The following ELMO1 variants were observed in gnomAD, a reference collection of about 807,000 sequenced individuals.
The protein encoded by ELMO1 is engulfment and cell motility 1.
A neutral mutation model predicts 98.9 loss-of-function variants in ELMO1; 26 were observed. The ratio of observed to expected loss-of-function variants is 0.26; its 90% CI spans 0.19 to 0.36. The LOEUF (loss-of-function observed/expected upper bound fraction) is 0.36, where lower values mean the gene tolerates loss of function less well. Among genes scored for constraint, ELMO1 ranks in the 10% least tolerant of loss-of-function variants. The pLI, the probability that ELMO1 is intolerant of heterozygous loss-of-function variation, is 1.00. For missense variants in ELMO1, 627 were observed against 935.2 expected (o/e 0.67, Z 4.30); for synonymous variants, 346 against 346.0 (o/e 1.00, Z 0.00).
intron 1 of ELMO1, among the ~76,000 whole-genome samples, chr7:37,373,658 T>G (rs2131363841): frequency 6.6e-6 from 1 of 152,362 alleles, no homozygotes; most frequent in Non-Finnish European, 1.5e-5. Context: ...TATTTTAATT[T>G]TTTAATTTTA....
intron 5 of ELMO1, chr7:37,270,936 CTTTT>C (rs895613984): frequency 1.3e-5 from 2 of 150,734 alleles, no homozygotes; most frequent in African/African-American, 4.9e-5. Context: ...CTGACTTTTT[CTTTT>C]TTTTCTTTTT....
intron 1 of ELMO1, among the ~76,000 whole-genome samples, chr7:37,446,076 A>G (rs1200585675): frequency 6.6e-6 from 1 of 152,230 alleles, no homozygotes; most frequent in Non-Finnish European, 1.5e-5. Flanking sequence ...CATGGGGGAA[A>G]GGACAGCGAA....
Position 37,438,431 on chromosome 7 carries a change from C to CAA in ELMO1, c.-74+10242_-74+10243dup, listed in dbSNP as rs543852959. The stretch of plus-strand genomic sequence containing the variant: ...TGAAATCCTGTCTCTACTAAAAATA[C>CAA]AAAAAAAAAAAAAAAAAAATTAGCC... On this transcript the variant is annotated intron_variant, in intron 1 of 21. Transcript: ENST00000310758. Among the ~76,000 whole-genome samples the CAA allele has an allele frequency of 1.3e-3, 164 of 122,554 alleles. 1 individual carries two copies. Among genetic ancestry groups the CAA allele is most frequent in the South Asian group, 3.8e-3 (14 of 3,720 alleles). The allele number at this position is 122,554 out of a possible 152,430, so 80.4% of individuals were successfully genotyped here.
At chr7:37,405,725 T>C (rs1757188759) in intron 1 of ELMO1, among the ~76,000 whole-genome samples, 1 of 152,164 alleles carries the variant, frequency 6.6e-6, no homozygotes, top group African/African-American at 2.4e-5. Context: ...ACAGACTGGC[T>C]GAATCAGCCC....
At chr7:37,055,595 A>G (rs1418426246) in intron 15 of ELMO1, among the ~76,000 whole-genome samples, 8 of 152,192 alleles carry the variant, frequency 5.3e-5, no homozygotes, top group Admixed American at 5.2e-4. Context: ...TCAATGTTCA[A>G]GAGGATGTTA....
At chr7:37,207,231 C>A (rs999649182) in intron 13 of ELMO1, among the ~76,000 whole-genome samples, 1 of 152,188 alleles carries the variant, frequency 6.6e-6, no homozygotes, top group African/African-American at 2.4e-5. Flanking sequence ...AATCCATATG[C>A]CCTTCCTTAG....
intron 7 of ELMO1, among the ~76,000 whole-genome samples, chr7:37,240,356 T>C (rs901798082): frequency 2.1e-4 from 32 of 152,226 alleles, no homozygotes; most frequent in Admixed American, 1.9e-3. Flanking sequence ...TCTTTTATTT[T>C]ATTTCTAATG....
intron 1 of ELMO1, among the ~76,000 whole-genome samples, chr7:37,386,160 C>T (rs1802793741): frequency 6.6e-6 from 1 of 152,204 alleles, no homozygotes; most frequent in Non-Finnish European, 1.5e-5. Flanking sequence ...AGCATACTTC[C>T]TCAACAAATG....
chr7:37,015,215 G>C (rs1226219758), intron 15 of ELMO1, among the ~76,000 whole-genome samples: 3 of 152,044 alleles, frequency 2.0e-5, no homozygotes, highest in Admixed American at 6.5e-5. Flanking sequence ...CCGGGGGTGG[G>C]GTGGGGGGAC....
chr7:37,098,798 G>A (rs1339455728), intron 14 of ELMO1, among the ~76,000 whole-genome samples: 1 of 152,130 alleles, frequency 6.6e-6, no homozygotes, highest in Non-Finnish European at 1.5e-5. Flanking sequence ...AGCCAGATCA[G>A]AGAGCAAATC....
intron 4 of ELMO1, among the ~76,000 whole-genome samples, chr7:37,279,535 A>G (rs1322617051): frequency 6.6e-6 from 1 of 152,190 alleles, no homozygotes; most frequent in Admixed American, 6.5e-5. Flanking sequence ...GAAGTAGGAA[A>G]GGGAGACCCT....
At chr7:36,890,474 G>A (rs1805456547) in intron 17 of ELMO1, among the ~76,000 whole-genome samples, 1 of 152,132 alleles carries the variant, frequency 6.6e-6, no homozygotes, top group Admixed American at 6.6e-5. Context: ...CATATCCAAA[G>A]CCGAACTTCT....
chr7:36,857,639 T>G (rs1802309692), intron 21 of ELMO1, among the ~76,000 whole-genome samples: 1 of 152,216 alleles, frequency 6.6e-6, no homozygotes, highest in African/African-American at 2.4e-5. Flanking sequence ...AACCCTGTAG[T>G]ACTGATACTG....
chr7:37,091,478 C>T (rs1421572472), intron 15 of ELMO1, among the ~76,000 whole-genome samples: 1 of 151,976 alleles, frequency 6.6e-6, no homozygotes, highest in Non-Finnish European at 1.5e-5. Flanking sequence ...TTTCTTTTTC[C>T]CCAGCTAGGA....
intron 19 of ELMO1, 69 bp downstream of exon 19, chr7:36,877,941 G>C (rs566000895): frequency 5.1e-6 from 6 of 1,176,242 alleles, no homozygotes; most frequent in African/African-American, 1.5e-5. Flanking sequence ...GTTCTGTTGC[G>C]TGATATATTG....
chr7:37,300,753 G>A lies in ELMO1; in HGVS notation c.192+14097C>T, dbSNP rs934245119. On this transcript the variant is annotated intron_variant, in intron 4 of 21. Transcript: ENST00000310758. Reference sequence around the variant, plus strand: ...CTCTTTTTTGGTTGTGTCTCTGCCCGGCTTTGGTATCAGAATGATGCTGGC... The same window carrying A: ...CTCTTTTTTGGTTGTGTCTCTGCCCAGCTTTGGTATCAGAATGATGCTGGC... 6.7e-5 allele frequency among the ~76,000 whole-genome samples: 10 copies of A among 148,326 alleles called. No homozygotes were observed. In the South Asian group the frequency reaches 8.7e-4, roughly 13 times the overall value.
chr7:37,363,725 T>A (rs1434120359), intron 1 of ELMO1, among the ~76,000 whole-genome samples: 3 of 152,246 alleles, frequency 2.0e-5, no homozygotes. Context: ...ATCTTGAATG[T>A]GCTTGCCTTT....
chr7:37,186,791 A>C (rs1280887082), intron 13 of ELMO1, among the ~76,000 whole-genome samples: 1 of 152,184 alleles, frequency 6.6e-6, no homozygotes, highest in Non-Finnish European at 1.5e-5. Context: ...TCCCATCAGC[A>C]AAAAGTCAGA....
At chr7:37,310,500 T>A (rs1278579701) in intron 4 of ELMO1, among the ~76,000 whole-genome samples, 1 of 152,220 alleles carries the variant, frequency 6.6e-6, no homozygotes, top group Non-Finnish European at 1.5e-5. Flanking sequence ...CAAATATAAA[T>A]GCACTTTGTG....
Sources: gnomAD v4.1 joint callset for allele counts (sites outside exome capture counted in the v4.1 genomes callset) on GRCh38, gnomAD v4.1.1 for gene constraint, MANE v1.5 for transcripts, NCBI Gene and HGNC (gene_info 2026-07-23, HGNC 2026-07-21) for gene names.